The following RFX4 variants were observed in gnomAD, a reference collection of about 807,000 sequenced individuals.
RFX4 encodes the protein transcription factor RFX4.
RFX4 carries 10 observed loss-of-function variants against 95.0 expected under a neutral mutation model. That is an observed-to-expected ratio of 0.11 (90% confidence interval 0.06 to 0.18). The LOEUF (loss-of-function observed/expected upper bound fraction) is 0.18, where lower values mean the gene tolerates loss of function less well. RFX4 is among the 10% of genes least tolerant of loss of function. RFX4 has a pLI of 1.00. For synonymous variants in RFX4, 321 were observed against 340.7 expected, an observed-to-expected ratio of 0.94 and a Z score of 0.64; for missense variants, 640 against 922.0, an observed-to-expected ratio of 0.69 and a Z score of 3.96.
rs373819781 is a variant in RFX4 at position 106,646,379 on chromosome 12, G to A, written c.191+6987G>A. 2.9e-4 allele frequency among the ~76,000 whole-genome samples: 40 copies of A among 137,816 alleles called. 1 individual carries two copies. The highest frequency in any genetic ancestry group is 8.4e-4 in the East Asian group (4 of 4,734). 90.4% of individuals were successfully genotyped at this position (137,816 alleles called of 152,430 possible). A position where few individuals can be genotyped will look rare whatever the true frequency, so the allele number is the denominator to read the frequency against. On this transcript the variant is annotated intron_variant, in intron 3 of 17. Transcript: ENST00000392842. ...AGCCTAGGCCCCAAAAGAAGCATTC[G>A]GAACCAAATGGAAATTGCAACACTG...
At chr12:106,610,984 T>G (rs2039949681) in intron 2 of RFX4, among the ~76,000 whole-genome samples, 1 of 152,152 alleles carries the variant, frequency 6.6e-6, no homozygotes, top group African/African-American at 2.4e-5. Context: ...ATTTGTTATT[T>G]TCTGTTTTTT....
chr12:106,585,570 C>G (rs994125090), intron 1 of RFX4, among the ~76,000 whole-genome samples: 1 of 152,194 alleles, frequency 6.6e-6, no homozygotes, highest in African/African-American at 2.4e-5. Context: ...CCTCACCTCC[C>G]TTCCAGAGAA....
At chr12:106,608,616 G>A (rs1036898270) in intron 1 of RFX4, among the ~76,000 whole-genome samples, 181 bp from the exon 2 acceptor site, 2 of 152,192 alleles carry the variant, frequency 1.3e-5, no homozygotes, top group Non-Finnish European at 2.9e-5. Flanking sequence ...CAGCAGCAAT[G>A]GTGCACATGG....
chr12:106,584,026 C>T (rs1382539714), intron 1 of RFX4, among the ~76,000 whole-genome samples: 1 of 152,178 alleles, frequency 6.6e-6, no homozygotes, highest in Non-Finnish European at 1.5e-5. Flanking sequence ...GGAGCTGTGA[C>T]CTTGCTGGAG....
intron 2 of RFX4, among the ~76,000 whole-genome samples, chr12:106,630,844 A>C (rs188342601): frequency 5.9e-5 from 9 of 152,340 alleles, no homozygotes; most frequent in Admixed American, 2.6e-4. Context: ...GCAGAAAGGA[A>C]ATGATGAGGC....
chr12:106,733,666 G>A (rs961652075), intron 15 of RFX4, among the ~76,000 whole-genome samples: 2 of 152,178 alleles, frequency 1.3e-5, no homozygotes, highest in African/African-American at 4.8e-5. Flanking sequence ...CCATAAGGAG[G>A]CAAGGGCTGT....
At chr12:106,623,230 G>A (rs1447012221) in intron 2 of RFX4, among the ~76,000 whole-genome samples, 1 of 151,166 alleles carries the variant, frequency 6.6e-6, no homozygotes, top group Non-Finnish European at 1.5e-5. Flanking sequence ...AGTAGAGACA[G>A]GGTTTCACGG....
chr12:106,599,180 CGTT>C (rs751045404), intron 1 of RFX4, among the ~76,000 whole-genome samples: 68 of 145,182 alleles, frequency 4.7e-4, no homozygotes, highest in African/African-American at 1.7e-3. Context: ...TTTTCCTCCT[CGTT>C]GTTTTTTTTT....
chr12:106,672,113 C>G (rs142617198), intron 4 of RFX4, among the ~76,000 whole-genome samples: 11 of 152,220 alleles, frequency 7.2e-5, no homozygotes, highest in African/African-American at 2.4e-4. Flanking sequence ...TTTGAACATG[C>G]CATCTCGGAA....
intron 2 of RFX4, among the ~76,000 whole-genome samples, chr12:106,612,998 T>C (rs2039993621): frequency 6.6e-6 from 1 of 152,098 alleles, no homozygotes; most frequent in Non-Finnish European, 1.5e-5. Flanking sequence ...CCTTGTCTTG[T>C]TCCTGATTCT....
intron 17 of RFX4, among the ~76,000 whole-genome samples, chr12:106,758,046 C>G (rs1352186071): frequency 6.6e-6 from 1 of 152,160 alleles, no homozygotes; most frequent in Non-Finnish European, 1.5e-5. Context: ...TGATTTGATC[C>G]AAAGAATGGT....
intron 8 of RFX4, among the ~76,000 whole-genome samples, chr12:106,708,816 T>C (rs540540921): frequency 7.2e-5 from 11 of 152,318 alleles, no homozygotes; most frequent in Admixed American, 2.0e-4. Flanking sequence ...GGTCTTTGAC[T>C]CTTGGAATCT....
At chr12:106,583,638 G>A (rs1157876712) in intron 1 of RFX4, 2 of 333,200 alleles carry the variant, frequency 6.0e-6, no homozygotes, top group Non-Finnish European at 1.1e-5. Context: ...TGGACACAAA[G>A]TTACGTAAAG....
At chr12:106,613,719 T>A (rs1319346048) in intron 2 of RFX4, among the ~76,000 whole-genome samples, 1 of 152,154 alleles carries the variant, frequency 6.6e-6, no homozygotes, top group Non-Finnish European at 1.5e-5. Context: ...TGTAGTATCT[T>A]TGTCTGGCTT....
At chr12:106,669,707 G>GTA (rs2041243697) in intron 4 of RFX4, among the ~76,000 whole-genome samples, 2 of 149,812 alleles carry the variant, frequency 1.3e-5, no homozygotes, top group Non-Finnish European at 3.0e-5. Context: ...GTTCTCAAAG[G>GTA]AAAAAAAAAT....
In RFX4 at chr12:106,638,017, A is replaced by AT. The variant is rs369260734; in HGVS notation, c.131-1301dup. On this transcript the variant is annotated intron_variant, in intron 2 of 17. Transcript: ENST00000392842. ...TATTCGATTATTACTATTACACTGG[A>AT]TTTTTTTTTTTTTTGAATCTTGCTC... Among the ~76,000 whole-genome samples, 1,345 of 145,318 alleles carry AT rather than the reference A, an allele frequency of 9.3e-3. 9 individuals are homozygous for AT. Among genetic ancestry groups the AT allele is most frequent in the African/African-American group, 0.024 (945 of 39,896 alleles).
intron 3 of RFX4, among the ~76,000 whole-genome samples, chr12:106,649,839 G>C (rs1159398887): frequency 6.6e-6 from 1 of 152,182 alleles, no homozygotes; most frequent in African/African-American, 2.4e-5. Flanking sequence ...ATTCTGCCCA[G>C]TTAGGAACCT....
chr12:106,625,604 G>C (rs535075997), intron 2 of RFX4, among the ~76,000 whole-genome samples: 3 of 152,216 alleles, frequency 2.0e-5, no homozygotes, highest in Non-Finnish European at 4.4e-5. Flanking sequence ...AGAGAGGAAA[G>C]CTCAGCAGTG....
At chr12:106,745,650 C>A (rs952537930) in intron 15 of RFX4, among the ~76,000 whole-genome samples, 5 of 152,136 alleles carry the variant, frequency 3.3e-5, no homozygotes, top group Non-Finnish European at 5.9e-5. Flanking sequence ...AAATGAAAAC[C>A]TTTCCTTTAT....
Sources: allele counts gnomAD v4.1 joint callset (sites outside exome capture counted in the v4.1 genomes callset), GRCh38; gene constraint gnomAD v4.1.1; transcripts MANE v1.5; gene names NCBI Gene and HGNC (gene_info 2026-07-23, HGNC 2026-07-21).